The following BUB1B variants were observed in gnomAD, a reference collection of about 807,000 sequenced individuals.
BUB1B encodes BUB1 mitotic checkpoint serine/threonine kinase B, also known as mitotic checkpoint serine/threonine-protein kinase BUB1 beta.
BUB1B carries 86 observed loss-of-function variants against 137.7 expected under a neutral mutation model. The observed-to-expected ratio is 0.62, with a 90% confidence interval of 0.52 to 0.75. The LOEUF is 0.75. Among genes scored for constraint, BUB1B ranks in the 30% least tolerant of loss-of-function variants. BUB1B has a pLI of 0.00. For missense variants in BUB1B, 1,130 were observed against 1,236.9 expected, an observed-to-expected ratio of 0.91 and a Z score of 1.30; for synonymous variants, 420 against 417.9, an observed-to-expected ratio of 1.00 and a Z score of -0.06.
At chr15:40,170,724 T>A in intron 4 of BUB1B, 43 bp downstream of exon 4, 1 of 1,596,364 alleles carries the variant, frequency 6.3e-7, no homozygotes, top group African/African-American at 1.3e-5. Flanking sequence ...AATATTAAAC[T>A]AAGAGATTTT....
intron 17 of BUB1B, 61 bp downstream of exon 17, chr15:40,209,836 G>GTA: frequency 6.3e-7 from 1 of 1,596,156 alleles, no homozygotes; most frequent in Non-Finnish European, 8.6e-7. Flanking sequence ...GTGATTATTT[G>GTA]TACTTAAGCT....
intron 6 of BUB1B, 36 bp from the exon 7 acceptor site, chr15:40,185,129 A>T: frequency 6.4e-7 from 1 of 1,556,550 alleles, no homozygotes; most frequent in African/African-American, 1.4e-5. Context: ...TAATAATGAA[A>T]CATTTTACAT....
At chr15:40,199,244 T>G (rs1176897452) in intron 9 of BUB1B, among the ~76,000 whole-genome samples, 1 of 152,194 alleles carries the variant, frequency 6.6e-6, no homozygotes, top group African/African-American at 2.4e-5. Flanking sequence ...CGTCACCTAT[T>G]TTATTCTTTT....
chr15:40,188,198 C>T (rs2037392048), intron 8 of BUB1B, among the ~76,000 whole-genome samples: 1 of 152,068 alleles, frequency 6.6e-6, no homozygotes, highest in Non-Finnish European at 1.5e-5. Context: ...CAGGTTCGGG[C>T]CACCACGCCC....
In BUB1B at chr15:40,199,616, C is replaced by A. The variant is rs376379876; in HGVS notation, c.1290C>A (p.Ala430=). Reference sequence around the variant, plus strand: ...CTCAAGCAACTTTACTGTTTCTAGCCGAGCTATTGACCAGTGCAGAGAAGA... The same window carrying A: ...CTCAAGCAACTTTACTGTTTCTAGCAGAGCTATTGACCAGTGCAGAGAAGA... ...FRKKLKEQRE[A]ELLTSAEKRA... The change falls in exon 10 of 23, where the codon GCC becomes GCA. Residue 430 remains alanine, a splice_region_variant and synonymous_variant. Coordinates refer to ENST00000287598, the MANE Select transcript of BUB1B (RefSeq NM_001211.6). 2 of 1,612,828 alleles carry A rather than the reference C, an allele frequency of 1.2e-6. No individual in the cohort carries two copies. The highest frequency in any genetic ancestry group is 1.7e-5 in the Admixed American group (1 of 59,984).
chr15:40,216,594 G>A (rs1286522882), intron 20 of BUB1B, among the ~76,000 whole-genome samples: 23 of 113,846 alleles, frequency 2.0e-4, no homozygotes, highest in African/African-American at 6.2e-4. Flanking sequence ...TTTAATTATA[G>A]TATAGTTTTA....
intron 4 of BUB1B, among the ~76,000 whole-genome samples, chr15:40,171,539 C>T (rs752618693): frequency 6.6e-6 from 1 of 152,090 alleles, no homozygotes; most frequent in Non-Finnish European, 1.5e-5. Flanking sequence ...AGAGCAAGAT[C>T]CTGTCTCAAA....
rs373105304 is a variant in BUB1B, at chr15:40,206,195, A to G, written c.1746A>G (p.Thr582=). The G allele has an allele frequency of 6.2e-7, 1 of 1,614,198 alleles. No homozygotes were observed. Among genetic ancestry groups the G allele is most frequent in the Non-Finnish European group, 8.5e-7 (1 of 1,180,026 alleles). ...GGTCTTTATTTCAGGATGAATTTACAGGAATTGAACCCTTGAGCGAGGATG... is the reference window on the plus strand; with the variant it reads ...GGTCTTTATTTCAGGATGAATTTACGGGAATTGAACCCTTGAGCGAGGATG... ...DVSPDVCDEF[T]GIEPLSEDAI... Residue 582 remains threonine, a synonymous_variant, in exon 15 of 23, where the codon ACA becomes ACG. Transcript: ENST00000287598.
intron 15 of BUB1B, 107 bp from the exon 16 acceptor site, chr15:40,208,530 C>T (rs2037665769): frequency 8.6e-6 from 10 of 1,158,446 alleles, no homozygotes; most frequent in Non-Finnish European, 1.2e-5. Flanking sequence ...AAGAGCAAAA[C>T]TCCATCTCAA....
intron 1 of BUB1B, among the ~76,000 whole-genome samples, chr15:40,161,859 T>G (rs2037046401): frequency 6.6e-6 from 1 of 152,238 alleles, no homozygotes; most frequent in Non-Finnish European, 1.5e-5. Flanking sequence ...TTCACTGTGG[T>G]GCCCGCAATA....
intron 4 of BUB1B, chr15:40,174,072 A>G: frequency 3.0e-6 from 1 of 333,162 alleles, no homozygotes; most frequent in South Asian, 2.5e-5. Flanking sequence ...TAGTCCTTTT[A>G]TTTATGTTAT....
rs758666856 is a variant in BUB1B, at chr15:40,220,632, T to G, written c.3026T>G (p.Val1009Gly). Residue 1009 changes from valine to glycine, a missense_variant, in exon 23 of 23, where the codon GTG (valine) becomes GGG (glycine). Coordinates refer to ENST00000287598, the MANE Select transcript of BUB1B (RefSeq NM_001211.6). Reference sequence around the variant, plus strand: ...CTGAATGCCAATGATGAGGCCACAGTGTCTGTTCTTGGGGAGCTTGCAGCA... The same window carrying G: ...CTGAATGCCAATGATGAGGCCACAGGGTCTGTTCTTGGGGAGCTTGCAGCA... ...RILNANDEAT[V>G]SVLGELAAEM... 6.2e-7 allele frequency: 1 copy of G among 1,614,210 alleles called. No homozygotes were observed. Among genetic ancestry groups the G allele is most frequent in the Non-Finnish European group, 8.5e-7 (1 of 1,180,032 alleles).
At chr15:40,174,870 A>G (rs1258624603) in intron 4 of BUB1B, among the ~76,000 whole-genome samples, 1 of 152,238 alleles carries the variant, frequency 6.6e-6, no homozygotes, top group Non-Finnish European at 1.5e-5. Flanking sequence ...AGGCTGAGGC[A>G]GGAGGATCAC....
intron 10 of BUB1B, 21 bp downstream of exon 10, chr15:40,199,748 C>T (rs754249299): frequency 4.6e-6 from 7 of 1,535,914 alleles, no homozygotes; most frequent in Non-Finnish European, 5.4e-6. Flanking sequence ...TTTTTTCATA[C>T]ACAAAACTAG....
chr15:40,201,491 C>T lies in BUB1B; in HGVS notation c.1567+511C>T, dbSNP rs565781620. ...GGAGGAACGTTGTTAAACAACACAG[C>T]GGGATGGAATTGGCAAAATCCAGCA... On this transcript the variant is annotated intron_variant, in intron 12 of 22. Transcript: ENST00000287598. Among the ~76,000 whole-genome samples the T allele has an allele frequency of 7.9e-5, 12 of 152,132 alleles. No homozygotes were observed. In the South Asian group the frequency reaches 2.3e-3, roughly 29 times the overall value.
In BUB1B at chr15:40,206,428, A is replaced by C; in HGVS notation, c.1979A>C (p.Tyr660Ser). The part of the protein sequence containing the change: ...EDQQTACGTI[Y>S]SQTLSIKKLS... ...CAGCAGACAGCTTGTGGCACTATCT[A>C]CAGTCAGACTCTCAGCATCAAGAAG... The change falls in exon 15 of 23, where the codon TAC becomes TCC. Residue 660 changes from tyrosine (Y) to serine (S), a missense_variant. Physicochemically the swap from Tyr to Ser is moderately radical, Grantham distance 144. Coordinates refer to ENST00000287598, the MANE Select transcript of BUB1B (RefSeq NM_001211.6). 1 of 1,614,222 alleles carries C rather than the reference A, an allele frequency of 6.2e-7. No homozygotes were observed. The highest frequency in any genetic ancestry group is 8.5e-7 in the Non-Finnish European group (1 of 1,180,038).
chr15:40,184,597 C>A (rs1412787303), intron 6 of BUB1B, among the ~76,000 whole-genome samples: 4 of 152,002 alleles, frequency 2.6e-5, no homozygotes, highest in African/African-American at 9.6e-5. Context: ...TTTTTTTAAT[C>A]TCTTATTTCT....
chr15:40,219,071 C>A (rs540550629), intron 22 of BUB1B, among the ~76,000 whole-genome samples: 2 of 152,230 alleles, frequency 1.3e-5, no homozygotes, highest in African/African-American at 4.8e-5. Flanking sequence ...GCCACCATGC[C>A]TGGCTCATTT....
rs2037144789 is a variant in BUB1B at position 40,170,118 on chromosome 15, A to G, written c.236A>G (p.Asp79Gly). 1 of 1,612,508 alleles carries G rather than the reference A, an allele frequency of 6.2e-7. No individual in the cohort carries two copies. Among genetic ancestry groups the G allele is most frequent in the Non-Finnish European group, 8.5e-7 (1 of 1,178,562 alleles). Reference protein sequence around the residue: ...YTGNDPLDVWDRYISWTEQNY... With the variant: ...YTGNDPLDVWGRYISWTEQNY... ...GGAAATGACCCTCTGGATGTTTGGG[A>G]TAGGTGGGTCTTTTTATTTCACAAG... Residue 79 changes from aspartate to glycine, a missense_variant, in exon 3 of 23, where the codon GAT becomes GGT. Transcript: ENST00000287598.
Sources: gnomAD v4.1 joint callset for allele counts (sites outside exome capture counted in the v4.1 genomes callset) on GRCh38, gnomAD v4.1.1 for gene constraint, MANE v1.5 for transcripts, NCBI Gene and HGNC (gene_info 2026-07-23, HGNC 2026-07-21) for gene names.